The following RARB variants were observed in gnomAD, a reference collection of about 807,000 sequenced individuals.
RARB encodes the protein retinoic acid receptor beta, also known as HBV-activated protein.
RARB carries 17 observed loss-of-function variants against 51.9 expected under a neutral mutation model. That is an observed-to-expected ratio of 0.33 (90% CI 0.22 to 0.49). The LOEUF is 0.49. Ranked by LOEUF, RARB falls within the 20% of genes least tolerant of loss-of-function variation. The pLI is 0.99. For missense variants in RARB, 369 were observed against 550.8 expected (o/e 0.67, Z 3.30); for synonymous variants, 215 against 195.4 (o/e 1.10, Z -0.84).
At position 25,210,529 on chromosome 3, in the gene RARB, CTTT is replaced by C. The variant is rs773846113; in HGVS notation, c.178+35976_178+35978del. ...GAAAGCCTGAAATCTTTATCTGATT[CTTT>C]TTTTTTTTTTTTTTTTTTTTTGAGA... On this transcript the variant is annotated intron_variant, in intron 5 of 11. Transcript: ENST00000383772. Among the ~76,000 whole-genome samples, 70 of 27,640 alleles carry C rather than the reference CTTT, an allele frequency of 2.5e-3. 4 individuals are homozygous for C. The highest frequency in any genetic ancestry group is 8.1e-3 in the Admixed American group (14 of 1,732). The allele number at this position is 27,640 out of a possible 152,430, so 18.1% of individuals were successfully genotyped here. A position where few individuals can be genotyped will look rare whatever the true frequency, so the allele number is the denominator to read the frequency against.
intron 5 of RARB, among the ~76,000 whole-genome samples, chr3:25,408,787 G>A (rs1707483131): frequency 6.6e-6 from 1 of 152,154 alleles, no homozygotes; most frequent in Non-Finnish European, 1.5e-5. Flanking sequence ...TGTAATCCTA[G>A]CACTTTGGGA....
At chr3:25,479,743 A>G (rs1422985927) in intron 2 of RARB, among the ~76,000 whole-genome samples, 2 of 152,194 alleles carry the variant, frequency 1.3e-5, no homozygotes, top group Non-Finnish European at 2.9e-5. Flanking sequence ...GAAGTGGATT[A>G]TCACTGATCA....
In RARB at chr3:24,982,620, C is replaced by T. The variant is rs77497864; in HGVS notation, c.-379-77505C>T. 1.4e-3 allele frequency among the ~76,000 whole-genome samples: 216 copies of T among 152,292 alleles called. 11 individuals carry two copies. The East Asian group carries it at 0.039, about 27-fold the overall frequency. ...TCTTCAGACAGAAAAGAAGTGAAAT[C>T]AGAGTACAAACATAAGCTCCCCTCC... On this transcript the variant is annotated intron_variant, in intron 2 of 11. Transcript: ENST00000383772.
At chr3:25,438,390 T>C (rs1462163396) in intron 1 of RARB, among the ~76,000 whole-genome samples, 1 of 152,134 alleles carries the variant, frequency 6.6e-6, no homozygotes, top group African/African-American at 2.4e-5. Context: ...ACCATAACAA[T>C]CGTAGCGTAT....
At chr3:25,237,856 A>G (rs904164432) in intron 5 of RARB, among the ~76,000 whole-genome samples, 1 of 152,178 alleles carries the variant, frequency 6.6e-6, no homozygotes, top group Non-Finnish European at 1.5e-5. Flanking sequence ...GAAATCATAC[A>G]ATATATGGTC....
intron 3 of RARB, among the ~76,000 whole-genome samples, chr3:25,064,283 C>T (rs769703041): frequency 3.0e-4 from 45 of 152,040 alleles, no homozygotes; most frequent in Non-Finnish European, 5.4e-4. Flanking sequence ...AATATTATCT[C>T]ATAAATATAC....
intron 2 of RARB, among the ~76,000 whole-genome samples, chr3:24,940,733 G>A (rs1695646783): frequency 6.6e-6 from 1 of 152,194 alleles, no homozygotes. Context: ...CTGCTTGGCA[G>A]TGACAGGAAG....
intron 4 of RARB, among the ~76,000 whole-genome samples, chr3:25,156,183 A>G (rs781739545): frequency 2.0e-5 from 3 of 152,184 alleles, no homozygotes; most frequent in Non-Finnish European, 4.4e-5. Flanking sequence ...TCTGATACTG[A>G]ATGTAACTTT....
intron 5 of RARB, among the ~76,000 whole-genome samples, chr3:25,262,348 C>G (rs1369873860): frequency 1.3e-5 from 2 of 152,206 alleles, no homozygotes; most frequent in East Asian, 1.9e-4. Context: ...AAGTTAGGCT[C>G]TATCCTGTGT....
intron 2 of RARB, among the ~76,000 whole-genome samples, chr3:24,930,462 CA>C (rs372493199): frequency 2.0e-5 from 3 of 151,994 alleles, no homozygotes; most frequent in African/African-American, 7.2e-5. Context: ...GAGATAAAAC[CA>C]ATGAAAGCCA....
At chr3:25,297,741 T>A (rs1388907763) in intron 5 of RARB, among the ~76,000 whole-genome samples, 4 of 152,136 alleles carry the variant, frequency 2.6e-5, no homozygotes, top group Non-Finnish European at 5.9e-5. Flanking sequence ...CAGTCTAGTC[T>A]CATGCATGGG....
intron 5 of RARB, among the ~76,000 whole-genome samples, chr3:25,326,155 C>T (rs567593571): frequency 1.2e-4 from 18 of 152,310 alleles, no homozygotes; most frequent in African/African-American, 4.3e-4. Flanking sequence ...AGTGAGTTGA[C>T]TTTTAGAGAA....
chr3:25,052,456 C>T (rs939236637), intron 2 of RARB, among the ~76,000 whole-genome samples: 2 of 152,042 alleles, frequency 1.3e-5, no homozygotes, highest in African/African-American at 4.8e-5. Flanking sequence ...AAATCCCATG[C>T]AATAATTGGG....
intron 4 of RARB, among the ~76,000 whole-genome samples, chr3:25,162,509 C>T (rs1051931803): frequency 1.3e-5 from 2 of 152,198 alleles, no homozygotes; most frequent in Non-Finnish European, 2.9e-5. Context: ...TGTGCACCAT[C>T]ATCACAATCT....
At chr3:25,502,286 G>C (rs1438775892) in intron 3 of RARB, among the ~76,000 whole-genome samples, 1 of 152,226 alleles carries the variant, frequency 6.6e-6, no homozygotes. Flanking sequence ...AATGGAGTTG[G>C]AGGAATTACA....
intron 5 of RARB, among the ~76,000 whole-genome samples, chr3:25,310,763 G>A (rs748531861): frequency 1.3e-5 from 2 of 152,122 alleles, no homozygotes; most frequent in Non-Finnish European, 2.9e-5. Flanking sequence ...GCCAGTGGTT[G>A]TTCAACAGCT....
chr3:24,938,417 G>T (rs1559403723), intron 2 of RARB, among the ~76,000 whole-genome samples: 1 of 151,958 alleles, frequency 6.6e-6, no homozygotes, highest in Non-Finnish European at 1.5e-5. Context: ...CCTTCATTCT[G>T]CCATAGATGT....
At chr3:25,130,642 G>A (rs1055530980) in intron 3 of RARB, among the ~76,000 whole-genome samples, 2 of 151,710 alleles carry the variant, frequency 1.3e-5, no homozygotes, top group Admixed American at 1.3e-4. Context: ...CCTGGGTGTG[G>A]GGGAATTTGC....
chr3:25,390,168 G>A (rs113750091), intron 5 of RARB, among the ~76,000 whole-genome samples: 2,981 of 152,222 alleles, frequency 0.02, 95 homozygotes, highest in African/African-American at 0.066. Flanking sequence ...TGAGGATAGG[G>A]CCCTTATGAA....
Sources: gnomAD v4.1 joint callset for allele counts (sites outside exome capture counted in the v4.1 genomes callset) on GRCh38, gnomAD v4.1.1 for gene constraint, MANE v1.5 for transcripts, NCBI Gene and HGNC (gene_info 2026-07-23, HGNC 2026-07-21) for gene names.